Variants in NALF1 observed in about 807,000 individuals in gnomAD.
NALF1 encodes the protein family with sequence similarity 155 member A.
NALF1 carries 3 observed loss-of-function variants against 48.4 expected under a neutral mutation model. That is an observed-to-expected ratio of 0.06 (90% CI 0.03 to 0.16). The LOEUF is 0.16. Ranked by LOEUF, NALF1 falls within the 10% of genes least tolerant of loss-of-function variation. NALF1 has a pLI of 1.00. For synonymous variants in NALF1, 262 were observed against 245.7 expected, an observed-to-expected ratio of 1.07 and a Z score of -0.62; for missense variants, 526 against 571.5, an observed-to-expected ratio of 0.92 and a Z score of 0.81.
intron 1 of NALF1, among the ~76,000 whole-genome samples, chr13:107,724,180 C>T (rs1876077013): frequency 6.6e-6 from 1 of 152,054 alleles, no homozygotes; most frequent in Non-Finnish European, 1.5e-5. Flanking sequence ...TTTCCAAACA[C>T]TTCTGCATCA....
At chr13:107,802,621 GAA>G (rs980912450) in intron 1 of NALF1, among the ~76,000 whole-genome samples, 1 of 152,010 alleles carries the variant, frequency 6.6e-6, no homozygotes. Flanking sequence ...TCCCAGAATG[GAA>G]AAGAGATGCA....
At chr13:107,474,764 GTT>G (rs1040988052) in intron 1 of NALF1, among the ~76,000 whole-genome samples, 1 of 152,026 alleles carries the variant, frequency 6.6e-6, no homozygotes, top group African/African-American at 2.4e-5. Flanking sequence ...TACCATGGAA[GTT>G]TTTTTTGTTA....
At position 107,859,083 on chromosome 13, in the gene NALF1, ACACAGG is replaced by A. The variant is rs146531727; in HGVS notation, c.915+6593_915+6598del. ...TTCTGAACTTCGAGTTCCCCACGGT[ACACAGG>A]CTCTGGAAATGCAGCTAACAAATGG... On this transcript the variant is annotated intron_variant, in intron 1 of 2. Coordinates refer to ENST00000375915, the MANE Select transcript of NALF1 (RefSeq NM_001080396.3). Among the ~76,000 whole-genome samples the A allele has an allele frequency of 6.5e-3, 986 of 152,314 alleles. 8 individuals are homozygous for A. Among genetic ancestry groups the A allele is most frequent in the African/African-American group, 0.023 (948 of 41,564 alleles).
rs557910774 is a variant in NALF1, at chr13:107,167,881, A to G, written c.*2616T>C. Reference sequence around the variant, plus strand: ...AAACACGGGTAAGTGGAACCTTCTGATCCTCTTGTCTTTGTAAAGAACTTT... The same window carrying G: ...AAACACGGGTAAGTGGAACCTTCTGGTCCTCTTGTCTTTGTAAAGAACTTT... On this transcript the variant is annotated 3_prime_UTR_variant, in exon 3 of 3. Transcript: ENST00000375915. The G allele has an allele frequency of 6.6e-6, 1 of 152,262 alleles. No individual in the cohort carries two copies. Among genetic ancestry groups the G allele is most frequent in the East Asian group, 1.9e-4 (1 of 5,180 alleles). The allele number at this position is 152,262 out of a possible 1,614,324, so 9.4% of individuals were successfully genotyped here.
intron 1 of NALF1, among the ~76,000 whole-genome samples, chr13:107,840,856 C>A (rs1880025976): frequency 6.6e-6 from 1 of 152,060 alleles, no homozygotes; most frequent in African/African-American, 2.4e-5. Flanking sequence ...ACCCAGACTG[C>A]CCTTTTTTCC....
chr13:107,514,412 G>A (rs970061019), intron 1 of NALF1, among the ~76,000 whole-genome samples: 1 of 119,032 alleles, frequency 8.4e-6, no homozygotes, highest in Non-Finnish European at 1.9e-5. Context: ...GATTTGAGAA[G>A]CTTCTCCTAT....
intron 1 of NALF1, among the ~76,000 whole-genome samples, chr13:107,711,697 T>C (rs1032766240): frequency 2.6e-5 from 4 of 152,206 alleles, no homozygotes; most frequent in Non-Finnish European, 5.9e-5. Flanking sequence ...GTGTGGTAGA[T>C]TTTCTAAGAG....
chr13:107,734,553 C>T (rs1459770075), intron 1 of NALF1, among the ~76,000 whole-genome samples: 5 of 151,930 alleles, frequency 3.3e-5, no homozygotes, highest in African/African-American at 4.8e-5. Flanking sequence ...TTTTTAAAGC[C>T]GTGGTACATA....
chr13:107,273,696 T>C (rs1220305759), intron 1 of NALF1, among the ~76,000 whole-genome samples: 1 of 152,204 alleles, frequency 6.6e-6, no homozygotes, highest in Non-Finnish European at 1.5e-5. Context: ...GAAAGGCACA[T>C]TATGTGCTAG....
intron 1 of NALF1, among the ~76,000 whole-genome samples, chr13:107,670,121 GGTTA>G (rs1305883901): frequency 2.6e-5 from 4 of 152,042 alleles, no homozygotes; most frequent in Non-Finnish European, 5.9e-5. Context: ...TTACTGAAAA[GGTTA>G]GTAAGATTGT....
chr13:107,407,016 A>G (rs574979294), intron 1 of NALF1, among the ~76,000 whole-genome samples: 91 of 152,158 alleles, frequency 6.0e-4, no homozygotes, highest in African/African-American at 2.1e-3. Context: ...TACAGTCTGG[A>G]AAAGATAGTC....
intron 1 of NALF1, among the ~76,000 whole-genome samples, chr13:107,572,795 T>C (rs1338702711): frequency 6.6e-6 from 1 of 152,194 alleles, no homozygotes; most frequent in African/African-American, 2.4e-5. Context: ...TCATCATTCA[T>C]TTTTATGTTA....
intron 1 of NALF1, among the ~76,000 whole-genome samples, chr13:107,264,700 T>C (rs1462940275): frequency 1.3e-5 from 2 of 152,250 alleles, no homozygotes; most frequent in Admixed American, 1.3e-4. Context: ...CATTTGTGTT[T>C]ATATGCATCT....
intron 1 of NALF1, among the ~76,000 whole-genome samples, chr13:107,622,038 G>C (rs936464512): frequency 4.0e-5 from 6 of 151,518 alleles, no homozygotes; most frequent in African/African-American, 1.5e-4. Context: ...TGTCAAGCAA[G>C]CTGGAGTACA....
chr13:107,562,813 C>T (rs1877686379), intron 1 of NALF1, among the ~76,000 whole-genome samples: 1 of 152,162 alleles, frequency 6.6e-6, no homozygotes, highest in Admixed American at 6.5e-5. Context: ...TCTGATGAAA[C>T]AGGAGTGAGT....
At chr13:107,721,406 G>C (rs1285866391) in intron 1 of NALF1, among the ~76,000 whole-genome samples, 2 of 152,172 alleles carry the variant, frequency 1.3e-5, no homozygotes, top group African/African-American at 2.4e-5. Context: ...AAGCTGTGCA[G>C]GGAGGCAGAG....
At chr13:107,430,664 G>GT (rs1258599994) in intron 1 of NALF1, among the ~76,000 whole-genome samples, 3 of 152,102 alleles carry the variant, frequency 2.0e-5, no homozygotes, top group Non-Finnish European at 2.9e-5. Context: ...ATTCCATGGT[G>GT]TATATGTGCC....
chr13:107,459,082 C>G (rs946643759), intron 1 of NALF1, among the ~76,000 whole-genome samples: 5 of 151,748 alleles, frequency 3.3e-5, no homozygotes, highest in Non-Finnish European at 7.4e-5. Flanking sequence ...AAATTAAAAC[C>G]TTCTGCTCTG....
intron 1 of NALF1, among the ~76,000 whole-genome samples, chr13:107,449,226 A>T (rs1884701056): frequency 6.6e-6 from 1 of 152,144 alleles, no homozygotes; most frequent in African/African-American, 2.4e-5. Context: ...CCTGGGCAAC[A>T]GGGTGAGACT....
Sources: gnomAD v4.1 joint callset for allele counts (sites outside exome capture counted in the v4.1 genomes callset) on GRCh38, gnomAD v4.1.1 for gene constraint, MANE v1.5 for transcripts, NCBI Gene and HGNC (gene_info 2026-07-23, HGNC 2026-07-21) for gene names.